DGKB: variants seen among roughly 807,000 people sequenced by gnomAD.
The protein encoded by DGKB is 90 kDa diacylglycerol kinase.
DGKB carries 67 observed loss-of-function variants against 114.3 expected under a neutral mutation model. The observed-to-expected ratio is 0.59, with a 90% CI of 0.48 to 0.72. The LOEUF (loss-of-function observed/expected upper bound fraction) is 0.72, where lower values mean the gene tolerates loss of function less well. DGKB is among the 30% of genes least tolerant of loss of function. The pLI is 0.00. For synonymous variants in DGKB, 398 were observed against 323.1 expected, an observed-to-expected ratio of 1.23 and a Z score of -2.49; for missense variants, 907 against 975.2, an observed-to-expected ratio of 0.93 and a Z score of 0.93.
chr7:14,800,231 A>C (rs1841976094), intron 2 of DGKB, among the ~76,000 whole-genome samples: 1 of 152,200 alleles, frequency 6.6e-6, no homozygotes, highest in Non-Finnish European at 1.5e-5. Flanking sequence ...TCCTTTTCAA[A>C]AACAGCTATG....
At chr7:14,701,599 G>A (rs1009632206) in intron 7 of DGKB, 82 bp downstream of exon 7, 26 of 983,992 alleles carry the variant, frequency 2.6e-5, no homozygotes, top group Non-Finnish European at 3.6e-5. Flanking sequence ...GCCTTCTGTG[G>A]TAATAACTAC....
chr7:14,545,954 A>G (rs1451200436), intron 20 of DGKB, among the ~76,000 whole-genome samples: 1 of 152,202 alleles, frequency 6.6e-6, no homozygotes, highest in East Asian at 1.9e-4. Flanking sequence ...AAAGTTAACA[A>G]TCTTGTTAAG....
chr7:14,945,254 G>A (rs1466239880), intron 1 of DGKB, among the ~76,000 whole-genome samples: 1 of 151,766 alleles, frequency 6.6e-6, no homozygotes, highest in African/African-American at 2.4e-5. Flanking sequence ...TTATATAATT[G>A]TGTTTACATG....
At chr7:14,462,990 G>A (rs1833306240) in intron 21 of DGKB, among the ~76,000 whole-genome samples, 2 of 152,126 alleles carry the variant, frequency 1.3e-5, no homozygotes, top group African/African-American at 4.8e-5. Flanking sequence ...AAGCAATGGG[G>A]AAAGGATTCC....
At chr7:14,650,410 G>A (rs573852759) in intron 13 of DGKB, among the ~76,000 whole-genome samples, 4 of 33,776 alleles carry the variant, frequency 1.2e-4, no homozygotes, top group East Asian at 1.2e-3. Flanking sequence ...GGTACATAAC[G>A]AAATGAAGGC....
chr7:14,758,884 AATAGATAG>A (rs76875239), intron 2 of DGKB, among the ~76,000 whole-genome samples: 7,914 of 145,074 alleles, frequency 0.055, 199 homozygotes, highest in Middle Eastern at 0.085. Context: ...TGTGTGAAAC[AATAGATAG>A]ATAGATAGAT....
chr7:14,311,818 C>T (rs1805435246), intron 23 of DGKB, among the ~76,000 whole-genome samples: 1 of 151,978 alleles, frequency 6.6e-6, no homozygotes, highest in East Asian at 1.9e-4. Flanking sequence ...TATCAAAATA[C>T]TTCTATAGTA....
chr7:14,689,199 A>ATTTTTTTTTTT (rs551618345), intron 9 of DGKB, among the ~76,000 whole-genome samples: 1,806 of 76,448 alleles, frequency 0.024, 315 homozygotes, highest in Non-Finnish European at 0.029. Context: ...AACTCCTCTT[A>ATTTTTTTTTTT]TTTTTTTTTT....
At chr7:14,757,043 T>TA (rs1834975642) in intron 3 of DGKB, among the ~76,000 whole-genome samples, 1 of 152,090 alleles carries the variant, frequency 6.6e-6, no homozygotes, top group Admixed American at 6.5e-5. Flanking sequence ...AAGAAAATCT[T>TA]AAAGAAATCT....
chr7:14,812,014 G>C (rs1227537216), intron 2 of DGKB, among the ~76,000 whole-genome samples: 2 of 151,956 alleles, frequency 1.3e-5, no homozygotes, highest in South Asian at 4.1e-4. Flanking sequence ...GACGACTCTA[G>C]GTATCTCGTG....
At chr7:14,258,671 G>A (rs1478352251) in intron 23 of DGKB, among the ~76,000 whole-genome samples, 1 of 152,146 alleles carries the variant, frequency 6.6e-6, no homozygotes, top group African/African-American at 2.4e-5. Flanking sequence ...CAAGTGTTAT[G>A]GAAATACGCA....
chr7:14,677,986 A>G (rs1563880913), intron 12 of DGKB, among the ~76,000 whole-genome samples: 1 of 152,116 alleles, frequency 6.6e-6, no homozygotes, highest in Non-Finnish European at 1.5e-5. Context: ...GTATGAACTG[A>G]AAAATGGGTG....
At chr7:14,311,751 C>T (rs1210272712) in intron 23 of DGKB, among the ~76,000 whole-genome samples, 1 of 152,142 alleles carries the variant, frequency 6.6e-6, no homozygotes, top group Non-Finnish European at 1.5e-5. Flanking sequence ...ATTGATTTTC[C>T]TAACATTTAT....
At chr7:14,863,824 G>T (rs950580525) in intron 1 of DGKB, among the ~76,000 whole-genome samples, 2 of 152,096 alleles carry the variant, frequency 1.3e-5, no homozygotes, top group African/African-American at 4.8e-5. Context: ...TGGAGGCCGG[G>T]TGTGGTGGCT....
At chr7:14,700,683 C>G (rs1013369987) in intron 7 of DGKB, among the ~76,000 whole-genome samples, 1 of 152,148 alleles carries the variant, frequency 6.6e-6, no homozygotes, top group Admixed American at 6.5e-5. Flanking sequence ...CTTCCAACCT[C>G]ATTGCTTTGC....
chr7:14,505,990 A>T (rs1786988346), intron 20 of DGKB, among the ~76,000 whole-genome samples: 1 of 152,114 alleles, frequency 6.6e-6, no homozygotes, highest in South Asian at 2.1e-4. Flanking sequence ...CGTCAAGTGT[A>T]AGTAATACAA....
intron 25 of DGKB, among the ~76,000 whole-genome samples, chr7:14,155,574 A>G (rs1337228196): frequency 6.6e-6 from 1 of 152,036 alleles, no homozygotes; most frequent in Non-Finnish European, 1.5e-5. Flanking sequence ...ATCAAATGGA[A>G]GGTTAATTTG....
At chr7:14,567,663 G>C (rs1797786624) in intron 20 of DGKB, among the ~76,000 whole-genome samples, 1 of 144,876 alleles carries the variant, frequency 6.9e-6, no homozygotes, top group Non-Finnish European at 1.5e-5. Flanking sequence ...CTGCAGTGCA[G>C]TGGTGCGATC....
intron 13 of DGKB, among the ~76,000 whole-genome samples, chr7:14,642,211 C>A (rs185180157): frequency 1.4e-4 from 22 of 152,078 alleles, no homozygotes; most frequent in African/African-American, 4.8e-4. Context: ...TCTTTTGTTT[C>A]TTTCAAGTCA....
Sources: allele counts gnomAD v4.1 joint callset (sites outside exome capture counted in the v4.1 genomes callset), GRCh38; gene constraint gnomAD v4.1.1; transcripts MANE v1.5; gene names NCBI Gene and HGNC (gene_info 2026-07-23, HGNC 2026-07-21).